ZFAT: variants seen among roughly 807,000 people sequenced by gnomAD.
The protein encoded by ZFAT is zinc finger and AT-hook domain containing, also known as zinc finger protein ZFAT.
In ZFAT, 64 loss-of-function variants were observed where a neutral mutation model predicts 117.7. The observed-to-expected ratio is 0.54, with a 90% confidence interval of 0.44 to 0.67. ZFAT has a LOEUF of 0.67. ZFAT is among the 30% of genes least tolerant of loss of function. ZFAT has a pLI of 0.00. For synonymous variants in ZFAT, 679 were observed against 615.0 expected (o/e 1.10, Z -1.54); for missense variants, 1,433 against 1,584.5 (o/e 0.90, Z 1.62).
chr8:134,693,143 C>G (rs950489429), intron 1 of ZFAT, among the ~76,000 whole-genome samples: 2 of 152,176 alleles, frequency 1.3e-5, no homozygotes, highest in African/African-American at 2.4e-5. Context: ...ACACCCAGCT[C>G]ACCTAGTTCC....
intron 3 of ZFAT, among the ~76,000 whole-genome samples, chr8:134,620,122 C>T (rs549741378): frequency 3.2e-4 from 49 of 152,332 alleles, no homozygotes; most frequent in African/African-American, 1.1e-3. Context: ...CAATAAAAGG[C>T]ATTTTTGCTT....
At chr8:134,566,540 CAT>C (rs754880195) in intron 10 of ZFAT, among the ~76,000 whole-genome samples, 8 of 152,122 alleles carry the variant, frequency 5.3e-5, no homozygotes, top group African/African-American at 1.2e-4. Context: ...ATAACACAAA[CAT>C]GTGTAACCAA....
the ZFAT span, among the ~76,000 whole-genome samples, chr8:134,819,715 C>T: frequency 6.6e-6 from 1 of 152,042 alleles, no homozygotes. Context: ...TACAACCTTC[C>T]AGGGGAGTTT....
At chr8:134,735,351 G>T in the ZFAT span, among the ~76,000 whole-genome samples, 3 of 152,172 alleles carry the variant, frequency 2.0e-5, no homozygotes, top group Non-Finnish European at 2.9e-5. Flanking sequence ...TTCCCCAAAA[G>T]CTTACACATG....
chr8:134,624,426 C>T (rs533695261), intron 3 of ZFAT, among the ~76,000 whole-genome samples: 2 of 152,178 alleles, frequency 1.3e-5, no homozygotes, highest in Admixed American at 1.3e-4. Flanking sequence ...GAGGCCAAGG[C>T]GAGCAGATCA....
intron 2 of ZFAT, among the ~76,000 whole-genome samples, chr8:134,645,540 A>G (rs545524212): frequency 6.6e-6 from 1 of 152,342 alleles, no homozygotes; most frequent in East Asian, 1.9e-4. Context: ...AAAGTAAATT[A>G]TTTAATAAAA....
intron 4 of ZFAT, among the ~76,000 whole-genome samples, chr8:134,609,386 T>G (rs555685226): frequency 3.3e-5 from 5 of 152,160 alleles, no homozygotes; most frequent in African/African-American, 1.2e-4. Flanking sequence ...CTAGCAACAA[T>G]TGAAAATAGG....
At chr8:134,701,986 A>G (rs1050527954) in intron 1 of ZFAT, among the ~76,000 whole-genome samples, 2 of 152,228 alleles carry the variant, frequency 1.3e-5, no homozygotes, top group African/African-American at 2.4e-5. Flanking sequence ...TAATGGATTA[A>G]TGGGTTATGA....
intron 13 of ZFAT, among the ~76,000 whole-genome samples, chr8:134,518,886 T>C (rs1399984050): frequency 6.6e-6 from 1 of 152,162 alleles, no homozygotes; most frequent in African/African-American, 2.4e-5. Context: ...CTATCCTGTG[T>C]CACTTATCAA....
At chr8:134,652,076 G>A (rs1314083835) in intron 2 of ZFAT, among the ~76,000 whole-genome samples, 1 of 152,106 alleles carries the variant, frequency 6.6e-6, no homozygotes, top group Non-Finnish European at 1.5e-5. Flanking sequence ...CCAGCACTTC[G>A]GGAGCCTGAG....
intron 1 of ZFAT, among the ~76,000 whole-genome samples, chr8:134,688,174 C>T (rs1458242456): frequency 6.6e-6 from 1 of 152,128 alleles, no homozygotes; most frequent in African/African-American, 2.4e-5. Context: ...AAGATGGTGT[C>T]GATGCTGAAG....
rs554294927 is a variant in ZFAT at position 134,695,378 on chromosome 8, G to A, written c.19+17467C>T. ...CCCGGCTGCCAGGCCCAGGCCCTCC[G>A]TCCGTAACTAAGGATGCGCCGCCCC... On this transcript the variant is annotated intron_variant, in intron 1 of 15. Transcript: ENST00000377838. 1.1e-4 allele frequency among the ~76,000 whole-genome samples: 16 copies of A among 147,162 alleles called. No homozygotes were observed. The East Asian group carries it at 1.2e-3, about 11-fold the overall frequency.
At chr8:134,616,718 G>A (rs181973903) in intron 3 of ZFAT, among the ~76,000 whole-genome samples, 200 of 152,212 alleles carry the variant, frequency 1.3e-3, no homozygotes, top group Non-Finnish European at 2.3e-3. Context: ...CAGTCATGCC[G>A]TGAGCTTGCT....
intron 9 of ZFAT, among the ~76,000 whole-genome samples, chr8:134,584,340 C>A (rs371348488): frequency 6.6e-6 from 1 of 152,182 alleles, no homozygotes; most frequent in Non-Finnish European, 1.5e-5. Flanking sequence ...CTAGCTGAAA[C>A]GTTCACTGCA....
At chr8:134,540,927 T>C (rs371308931) in intron 11 of ZFAT, among the ~76,000 whole-genome samples, 3 of 152,198 alleles carry the variant, frequency 2.0e-5, no homozygotes, top group African/African-American at 7.2e-5. Flanking sequence ...GGGGTCATTT[T>C]TTAGGCTCAT....
intron 2 of ZFAT, among the ~76,000 whole-genome samples, chr8:134,653,626 T>C (rs936440346): frequency 8.6e-5 from 13 of 151,918 alleles, no homozygotes; most frequent in African/African-American, 1.9e-4. Context: ...CATGGGGTGA[T>C]AGATAAATGA....
rs1243910348 is a variant in ZFAT, at chr8:134,560,604, C to T, written c.2976+4729G>A. On this transcript the variant is annotated intron_variant, in intron 11 of 15. Transcript: ENST00000377838. ...GGTGATTCCTGCCTAACTACACTGC[C>T]TTACATAATGATACGTGGACTTATC... Among the ~76,000 whole-genome samples the T allele has an allele frequency of 3.9e-5, 6 of 152,140 alleles. No homozygotes were observed. In the East Asian group the frequency reaches 1.2e-3, roughly 29 times the overall value.
At chr8:134,634,819 G>T (rs1830106986) in intron 3 of ZFAT, among the ~76,000 whole-genome samples, 1 of 152,178 alleles carries the variant, frequency 6.6e-6, no homozygotes, top group Non-Finnish European at 1.5e-5. Context: ...GAGACACTAA[G>T]GCACTCTGTT....
the ZFAT span, among the ~76,000 whole-genome samples, chr8:134,729,929 C>T: frequency 6.6e-6 from 1 of 152,172 alleles, no homozygotes; most frequent in African/African-American, 2.4e-5. Flanking sequence ...CAAAGCTGTG[C>T]TCCTATTAGA....
Sources: allele counts gnomAD v4.1 joint callset (sites outside exome capture counted in the v4.1 genomes callset), GRCh38; gene constraint gnomAD v4.1.1; transcripts MANE v1.5; gene names NCBI Gene and HGNC (gene_info 2026-07-23, HGNC 2026-07-21).